BRF1: variants seen among roughly 807,000 people sequenced by gnomAD.
BRF1 encodes transcription factor IIIB 90 kDa subunit.
Under a neutral mutation model 81.7 loss-of-function variants are expected in BRF1, and 59 were observed. The observed-to-expected ratio is 0.72, with a 90% CI of 0.59 to 0.90. The LOEUF (loss-of-function observed/expected upper bound fraction) is 0.90, where lower values mean the gene tolerates loss of function less well. BRF1 is among the 40% of genes least tolerant of loss of function. The pLI is 0.00. For missense variants in BRF1, 1,050 were observed against 936.3 expected (o/e 1.12, Z -1.58); for synonymous variants, 491 against 395.6 (o/e 1.24, Z -2.86).
rs1265699580 is a variant in BRF1 at position 105,221,929 on chromosome 14, T to C, written c.1049-15A>G. On this transcript the variant is annotated splice_polypyrimidine_tract_variant and intron_variant, in intron 10 of 17. Coordinates refer to ENST00000547530, the MANE Select transcript of BRF1 (RefSeq NM_001519.4). ...CTCGGTGGAGCCTAGGTGTACACAA[T>C]CCACCTGTTAACCAGGCAGAGGGCC... 9.0e-6 allele frequency: 14 copies of C among 1,553,664 alleles called. No individual in the cohort carries two copies. The highest frequency in any genetic ancestry group is 1.1e-5 in the Non-Finnish European group (13 of 1,155,290).
At chr14:105,295,333 C>T (rs1265978841) in intron 1 of BRF1, among the ~76,000 whole-genome samples, 2 of 146,280 alleles carry the variant, frequency 1.4e-5, no homozygotes, top group African/African-American at 2.6e-5. Flanking sequence ...AAAAAATTGG[C>T]GTTGGCTCAC....
intron 1 of BRF1, among the ~76,000 whole-genome samples, chr14:105,292,598 G>C (rs1021197056): frequency 1.3e-5 from 2 of 152,180 alleles, no homozygotes; most frequent in African/African-American, 2.4e-5. Context: ...GGTCCCACAG[G>C]TGAGTGCCCA....
chr14:105,229,319 G>T (rs1320284906), intron 6 of BRF1, among the ~76,000 whole-genome samples: 1 of 152,186 alleles, frequency 6.6e-6, no homozygotes, highest in African/African-American at 2.4e-5. Context: ...GGTTCACCAA[G>T]GCCACAGTGG....
At chr14:105,312,164 G>A (rs1036828533) in intron 1 of BRF1, among the ~76,000 whole-genome samples, 4 of 152,214 alleles carry the variant, frequency 2.6e-5, no homozygotes, top group East Asian at 3.8e-4. Flanking sequence ...CCTGGCGCCC[G>A]ACTGGAAAAG....
chr14:105,306,407 G>A (rs771524299), intron 1 of BRF1, among the ~76,000 whole-genome samples: 20 of 152,062 alleles, frequency 1.3e-4, no homozygotes, highest in Non-Finnish European at 2.2e-4. Context: ...AGGTTCAAGC[G>A]ATTCTCCTGC....
At chr14:105,296,193 G>A (rs774016931) in intron 1 of BRF1, among the ~76,000 whole-genome samples, 5 of 151,474 alleles carry the variant, frequency 3.3e-5, no homozygotes, top group East Asian at 3.9e-4. Context: ...CGGGTGGATC[G>A]CCTGGCCAAC....
chr14:105,273,782 A>T (rs1310564564), intron 2 of BRF1, among the ~76,000 whole-genome samples: 1 of 152,244 alleles, frequency 6.6e-6, no homozygotes, highest in African/African-American at 2.4e-5. Flanking sequence ...GGAAAGCTGC[A>T]GGGACCTCTG....
At chr14:105,247,163 G>C (rs1317297708) in intron 5 of BRF1, 1 of 985,388 alleles carries the variant, frequency 1.0e-6, no homozygotes, top group African/African-American at 1.7e-5. Context: ...TGAAATCGCA[G>C]CTGTGGCCTC....
At chr14:105,223,448 T>G (rs1168514601) in intron 10 of BRF1, among the ~76,000 whole-genome samples, 1 of 152,136 alleles carries the variant, frequency 6.6e-6, no homozygotes, top group Non-Finnish European at 1.5e-5. Context: ...ACACACACCC[T>G]CAGCGTGCTG....
At chr14:105,249,872 C>CT in intron 5 of BRF1, 1 of 1,612,148 alleles carries the variant, frequency 6.2e-7, no homozygotes, top group Non-Finnish European at 8.5e-7. Context: ...GATGGCCCTA[C>CT]GGTCCGAAGG....
Position 105,309,975 on chromosome 14 carries a change from G to A in BRF1, c.-162+5347C>T, listed in dbSNP as rs1345935512. Among the ~76,000 whole-genome samples the A allele has an allele frequency of 2.6e-5, 4 of 151,426 alleles. No individual in the cohort carries two copies. The highest frequency in any genetic ancestry group is 5.9e-5 in the Non-Finnish European group (4 of 67,860). The stretch of plus-strand genomic sequence containing the variant: ...TAATTTTTGTATTTTTAGTAGAGAC[G>A]GGGTTTCAGTGTATTGGTCAGGCTA... On this transcript the variant is annotated intron_variant, in intron 1 of 17. Coordinates refer to the BRF1 transcript ENST00000327359. The surrounding 1 kb of genome is among the most constrained non-coding windows in gnomAD (Gnocchi z 4.0).
At chr14:105,255,068 A>G (rs1176191804) in intron 4 of BRF1, among the ~76,000 whole-genome samples, 1 of 152,176 alleles carries the variant, frequency 6.6e-6, no homozygotes, top group Non-Finnish European at 1.5e-5. Flanking sequence ...CTGTGTGCCC[A>G]GGCCAGTGAA....
intron 10 of BRF1, among the ~76,000 whole-genome samples, chr14:105,223,123 G>T (rs966614699): frequency 3.3e-5 from 5 of 152,114 alleles, no homozygotes; most frequent in African/African-American, 1.2e-4. Flanking sequence ...AGCCCAGGAG[G>T]TTGACACTGC....
In BRF1 at chr14:105,217,682, C is replaced by T; in HGVS notation, c.1634G>A (p.Gly545Asp). 6.2e-7 allele frequency: 1 copy of T among 1,613,362 alleles called. No individual in the cohort carries two copies. The highest frequency in any genetic ancestry group is 8.5e-7 in the Non-Finnish European group (1 of 1,180,024). ...ACTGCCCCCGCCGGCGCTGCTGAGG[C>T]CCCGGAGCACGCTATAATTGATCTT... is the stretch of plus-strand genomic sequence containing the variant. ...SSKINYSVLR[G>D]LSSAGGGSPH... The change falls in exon 15 of 18, where the codon GGC becomes GAC. Residue 545 changes from glycine (G) to aspartate (D), a missense_variant. Coordinates refer to ENST00000547530, the MANE Select transcript of BRF1 (RefSeq NM_001519.4).
intron 1 of BRF1, among the ~76,000 whole-genome samples, chr14:105,306,364 C>G (rs1490294473): frequency 1.3e-5 from 2 of 152,028 alleles, no homozygotes; most frequent in African/African-American, 2.4e-5. Context: ...AGTGCAGCGG[C>G]GCCATCTCGA....
In BRF1 at chr14:105,314,430, CTCTCCCGGCCCTTGCCCGCG is replaced by C. The variant is rs2058457835; in HGVS notation, c.-162+872_-162+891del. On this transcript the variant is annotated intron_variant, in intron 1 of 17. Coordinates refer to the BRF1 transcript ENST00000327359. Reference sequence around the variant, plus strand: ...GCCGGGACCCGGTGGACCCCCACGACTCTCCCGGCCCTTGCCCGCGGCTCCCGGGGGGCGGGGCGGGGCGC... The same window carrying C: ...GCCGGGACCCGGTGGACCCCCACGACGCTCCCGGGGGGCGGGGCGGGGCGC... The C allele has an allele frequency of 2.7e-5, 4 of 150,012 alleles. No individual in the cohort carries two copies. The South Asian group carries it at 6.2e-4, about 23-fold the overall frequency. 9.3% of individuals were successfully genotyped at this position (150,012 alleles called of 1,614,324 possible).
At chr14:105,227,078 T>C (rs1185375758) in intron 7 of BRF1, 2 of 307,020 alleles carry the variant, frequency 6.5e-6, no homozygotes, top group African/African-American at 2.3e-5. Flanking sequence ...ATAGCGCCAC[T>C]GGCCTCCAGC....
intron 1 of BRF1, among the ~76,000 whole-genome samples, chr14:105,295,153 G>A (rs143095493): frequency 3.4e-4 from 51 of 152,088 alleles, no homozygotes; most frequent in African/African-American, 1.2e-3. Flanking sequence ...TCCCACGCAA[G>A]CATCAGCAGG....
chr14:105,267,212 G>A (rs2056454939), intron 3 of BRF1, among the ~76,000 whole-genome samples: 1 of 152,174 alleles, frequency 6.6e-6, no homozygotes, highest in Non-Finnish European at 1.5e-5. Flanking sequence ...CCTCTGCTAC[G>A]CCAGCAACAA....
Sources: gnomAD v4.1 joint callset for allele counts (sites outside exome capture counted in the v4.1 genomes callset) on GRCh38, gnomAD v4.1.1 for gene constraint, Gnocchi (gnomAD v3.1) non-coding constraint, MANE v1.5 for transcripts, NCBI Gene and HGNC (gene_info 2026-07-23, HGNC 2026-07-21) for gene names.